The following TTC27 variants were observed in gnomAD, a reference collection of about 807,000 sequenced individuals.
TTC27 encodes tetratricopeptide repeat protein 27.
A neutral mutation model predicts 115.9 loss-of-function variants in TTC27; 79 were observed. The ratio of observed to expected loss-of-function variants is 0.68; its 90% confidence interval spans 0.57 to 0.82. TTC27 has a LOEUF of 0.82. Ranked by LOEUF, TTC27 falls within the 40% of genes least tolerant of loss-of-function variation. The pLI is 0.00. For synonymous variants in TTC27, 401 were observed against 356.0 expected, an observed-to-expected ratio of 1.13 and a Z score of -1.42; for missense variants, 1,054 against 993.1, an observed-to-expected ratio of 1.06 and a Z score of -0.82.
At chr2:32,645,011 A>C (rs1423744045) in intron 4 of TTC27, among the ~76,000 whole-genome samples, 2 of 151,484 alleles carry the variant, frequency 1.3e-5, no homozygotes, top group Non-Finnish European at 2.9e-5. Context: ...CTTTCTCTTA[A>C]TGGTGTTATT....
At chr2:32,757,595 C>G (rs1669276977) in intron 12 of TTC27, among the ~76,000 whole-genome samples, 1 of 152,196 alleles carries the variant, frequency 6.6e-6, no homozygotes, top group African/African-American at 2.4e-5. Context: ...CTTCATATCT[C>G]TGTGTTAGCA....
intron 16 of TTC27, among the ~76,000 whole-genome samples, chr2:32,810,609 G>T (rs1396205742): frequency 6.6e-6 from 1 of 152,164 alleles, no homozygotes; most frequent in South Asian, 2.1e-4. Flanking sequence ...TAACCTGTCT[G>T]GTAGGTATTG....
Position 32,777,326 on chromosome 2 carries a change from C to T in TTC27, c.1681-556C>T, listed in dbSNP as rs577221552. Reference sequence around the variant, plus strand: ...CATGGGGGATTGCTTCCAGGCGTCACCGCCCCCAACCCCAATACCAAAATC... The same window carrying T: ...CATGGGGGATTGCTTCCAGGCGTCATCGCCCCCAACCCCAATACCAAAATC... On this transcript the variant is annotated intron_variant, in intron 13 of 19. Coordinates refer to ENST00000317907, the MANE Select transcript of TTC27 (RefSeq NM_017735.5). Among the ~76,000 whole-genome samples the T allele has an allele frequency of 1.2e-4, 19 of 152,370 alleles. No individual in the cohort carries two copies. The South Asian group carries it at 3.7e-3, about 30-fold the overall frequency.
intron 13 of TTC27, among the ~76,000 whole-genome samples, chr2:32,762,883 G>A (rs939336636): frequency 7.2e-5 from 11 of 152,148 alleles, no homozygotes; most frequent in Non-Finnish European, 8.8e-5. Flanking sequence ...CTTGTGATCC[G>A]CCCGCCTCGG....
intron 18 of TTC27, among the ~76,000 whole-genome samples, chr2:32,815,321 T>C (rs188791070): frequency 0.016 from 2,256 of 139,354 alleles, 55 homozygotes; most frequent in African/African-American, 0.057. Context: ...ACTGCAAGCT[T>C]CGCCTCCCAG....
At chr2:32,650,098 T>C in intron 4 of TTC27, 33 bp from the exon 5 acceptor site, 1 of 1,554,028 alleles carries the variant, frequency 6.4e-7, no homozygotes, top group Non-Finnish European at 8.8e-7. Context: ...TAAAGTATCC[T>C]TTTATTTCAG....
At chr2:32,733,965 A>C in intron 11 of TTC27, 42 bp downstream of exon 11, 1 of 1,342,738 alleles carries the variant, frequency 7.4e-7, no homozygotes, top group Non-Finnish European at 1.1e-6. Flanking sequence ...ATTACTTGGC[A>C]TTAGAAAGGT....
intron 12 of TTC27, among the ~76,000 whole-genome samples, chr2:32,755,414 C>G (rs1038864048): frequency 3.3e-5 from 5 of 152,234 alleles, no homozygotes; most frequent in Non-Finnish European, 7.3e-5. Flanking sequence ...AACCCCGTCT[C>G]CACCAAAAAA....
intron 4 of TTC27, among the ~76,000 whole-genome samples, chr2:32,646,116 C>T (rs1435624607): frequency 6.6e-6 from 1 of 151,740 alleles, no homozygotes; most frequent in South Asian, 2.1e-4. Flanking sequence ...GCAACCTCTG[C>T]CTCCTGGGTT....
intron 10 of TTC27, among the ~76,000 whole-genome samples, chr2:32,713,706 T>C (rs1289323145): frequency 1.3e-5 from 2 of 152,240 alleles, no homozygotes; most frequent in Admixed American, 6.5e-5. Flanking sequence ...CTTTCTTAAC[T>C]GTGTTAATTA....
At chr2:32,779,174 G>A (rs990735462) in intron 14 of TTC27, among the ~76,000 whole-genome samples, 8 of 151,980 alleles carry the variant, frequency 5.3e-5, no homozygotes, top group Non-Finnish European at 7.4e-5. Flanking sequence ...AGTGAGCAGA[G>A]ATTGCGCCAC....
intron 12 of TTC27, among the ~76,000 whole-genome samples, chr2:32,739,497 A>C (rs1668555895): frequency 6.6e-6 from 1 of 152,138 alleles, no homozygotes. Context: ...AAATGTGCAC[A>C]TGACCTTGTA....
intron 10 of TTC27, among the ~76,000 whole-genome samples, chr2:32,730,368 A>T (rs771406508): frequency 4.6e-5 from 7 of 152,184 alleles, no homozygotes; most frequent in Admixed American, 1.3e-4. Flanking sequence ...CAAGGACATA[A>T]TCCAAGTGGC....
At chr2:32,628,532 G>T (rs191020494) in intron 1 of TTC27, 152 bp downstream of exon 1, 63 of 748,296 alleles carry the variant, frequency 8.4e-5, no homozygotes, top group Non-Finnish European at 1.2e-4. Flanking sequence ...TGACATGGTG[G>T]GCGTGGTCCT....
intron 10 of TTC27, among the ~76,000 whole-genome samples, chr2:32,718,603 G>T (rs1023151073): frequency 6.6e-6 from 1 of 151,976 alleles, no homozygotes; most frequent in Non-Finnish European, 1.5e-5. Context: ...TTTTTCATGG[G>T]TACTGCTTTT....
intron 5 of TTC27, 92 bp downstream of exon 5, chr2:32,650,325 A>AGTAGTGCC: frequency 1.8e-6 from 1 of 542,270 alleles, no homozygotes; most frequent in East Asian, 4.2e-5. Context: ...TTTGTCCGGT[A>AGTAGTGCC]GTAGTGCCTT....
At chr2:32,709,361 A>G (rs369235808) in intron 10 of TTC27, among the ~76,000 whole-genome samples, 1 of 152,230 alleles carries the variant, frequency 6.6e-6, no homozygotes, top group Non-Finnish European at 1.5e-5. Context: ...ATCACTGGTG[A>G]TAAAACTGTT....
intron 4 of TTC27, among the ~76,000 whole-genome samples, chr2:32,646,474 T>G (rs1028743833): frequency 4.6e-5 from 7 of 152,094 alleles, no homozygotes; most frequent in African/African-American, 1.7e-4. Context: ...CAGCCCTCTA[T>G]TTTTATATTA....
At chr2:32,650,687 A>C (rs1374206807) in intron 5 of TTC27, among the ~76,000 whole-genome samples, 1 of 152,172 alleles carries the variant, frequency 6.6e-6, no homozygotes, top group Non-Finnish European at 1.5e-5. Flanking sequence ...TATTGAGTAC[A>C]TCAAGAAAAG....
Sources: allele counts gnomAD v4.1 joint callset (sites outside exome capture counted in the v4.1 genomes callset), GRCh38; gene constraint gnomAD v4.1.1; transcripts MANE v1.5; gene names NCBI Gene and HGNC (gene_info 2026-07-23, HGNC 2026-07-21).